Variants in ADAM22 observed in about 807,000 individuals in gnomAD.
ADAM22 encodes the protein ADAM metallopeptidase domain 22.
A neutral mutation model predicts 144.6 loss-of-function variants in ADAM22; 65 were observed. The ratio of observed to expected loss-of-function variants is 0.45; its 90% CI spans 0.37 to 0.55. The LOEUF is 0.55. Among genes scored for constraint, ADAM22 ranks in the 20% least tolerant of loss-of-function variants. The pLI is 0.00. For synonymous variants in ADAM22, 391 were observed against 412.6 expected, an observed-to-expected ratio of 0.95 and a Z score of 0.63; for missense variants, 974 against 1,184.9, an observed-to-expected ratio of 0.82 and a Z score of 2.61.
intron 2 of ADAM22, among the ~76,000 whole-genome samples, chr7:87,957,348 C>G (rs1456788497): frequency 6.6e-6 from 1 of 152,106 alleles, no homozygotes; most frequent in African/African-American, 2.4e-5. Flanking sequence ...ATATAAAAAG[C>G]TTAAGTTTTG....
chr7:88,009,126 T>C (rs2129459112), intron 3 of ADAM22, among the ~76,000 whole-genome samples: 1 of 152,218 alleles, frequency 6.6e-6, no homozygotes, highest in South Asian at 2.1e-4. Context: ...AGTCTAAGAT[T>C]TTATGGCATT....
intron 4 of ADAM22, among the ~76,000 whole-genome samples, chr7:88,077,524 G>A (rs550563424): frequency 7.9e-5 from 12 of 152,326 alleles, no homozygotes; most frequent in East Asian, 1.9e-4. Context: ...TGTACCGTGC[G>A]TGAGCCAAAG....
chr7:88,005,635 T>C (rs1324900151), intron 3 of ADAM22, among the ~76,000 whole-genome samples: 1 of 152,058 alleles, frequency 6.6e-6, no homozygotes, highest in Admixed American at 6.6e-5. Flanking sequence ...GATGAAGGGA[T>C]TGGGCAGAGA....
At chr7:88,061,839 CTTTTTTTTTTTTT>C (rs60313970) in intron 3 of ADAM22, among the ~76,000 whole-genome samples, 1 of 112,032 alleles carries the variant, frequency 8.9e-6, no homozygotes, top group African/African-American at 3.7e-5. Flanking sequence ...CTCTCTCTCT[CTTTTTTTTTTTTT>C]TTTTTTTTGA....
At chr7:88,150,425 A>G (rs1270546113) in intron 18 of ADAM22, among the ~76,000 whole-genome samples, 1 of 152,182 alleles carries the variant, frequency 6.6e-6, no homozygotes, top group Non-Finnish European at 1.5e-5. Context: ...TAATTGCTGC[A>G]AGGAAAAAAG....
chr7:88,042,838 A>G (rs1252850391), intron 3 of ADAM22, among the ~76,000 whole-genome samples: 1 of 151,398 alleles, frequency 6.6e-6, no homozygotes, highest in South Asian at 2.1e-4. Flanking sequence ...CCTAATCTCA[A>G]GGTGTCCTGA....
intron 3 of ADAM22, among the ~76,000 whole-genome samples, chr7:88,053,612 GA>G (rs1263513168): frequency 2.7e-5 from 3 of 110,176 alleles, no homozygotes; most frequent in Non-Finnish European, 6.3e-5. Flanking sequence ...AAGAAAGAAA[GA>G]AAGAAAGAAA....
chr7:88,131,397 T>G lies in ADAM22; in HGVS notation c.954T>G (p.Asp318Glu), dbSNP rs1831724218. ...GTGAGTTTATGAAATACAGGAGGGA[T>G]TTTATCAAAGAGAAAAGTGATGCAG... Reference protein sequence around the residue: ...TLREFMKYRRDFIKEKSDAVH... With the variant: ...TLREFMKYRREFIKEKSDAVH... Residue 318 changes from aspartate (D) to glutamate (E), a missense_variant, in exon 11 of 32, where the codon GAT (aspartate) becomes GAG (glutamate). This residue lies in a region of ADAM22 where 734 missense variants were observed against 950.6 expected (regional missense o/e 0.77). Coordinates refer to ENST00000413139, the MANE Select transcript of ADAM22 (RefSeq NM_001324418.2). The G allele has an allele frequency of 1.9e-6, 3 of 1,613,720 alleles. No homozygotes were observed. Among genetic ancestry groups the G allele is most frequent in the African/African-American group, 2.7e-5 (2 of 74,918 alleles).
chr7:87,948,519 C>T (rs1224595044), intron 2 of ADAM22, among the ~76,000 whole-genome samples: 1 of 152,174 alleles, frequency 6.6e-6, no homozygotes, highest in African/African-American at 2.4e-5. Context: ...CTAGTTCTCA[C>T]TGCTCATAAT....
chr7:87,973,383 A>G (rs1385058453), intron 2 of ADAM22, among the ~76,000 whole-genome samples: 2 of 138,838 alleles, frequency 1.4e-5, no homozygotes, highest in Non-Finnish European at 3.1e-5. Flanking sequence ...CAAAACCACA[A>G]TGAGATACCA....
intron 7 of ADAM22, 69 bp downstream of exon 7, chr7:88,116,883 T>TA: frequency 8.5e-7 from 1 of 1,171,482 alleles, no homozygotes; most frequent in Non-Finnish European, 1.2e-6. Context: ...GCCTTAGAAC[T>TA]AATCTATATT....
chr7:88,146,672 G>T (rs1019647568), intron 17 of ADAM22, among the ~76,000 whole-genome samples: 2 of 152,152 alleles, frequency 1.3e-5, no homozygotes, highest in Non-Finnish European at 2.9e-5. Context: ...CACACTTTTG[G>T]GATGGGCATT....
chr7:88,069,245 C>G (rs541267305), intron 3 of ADAM22, among the ~76,000 whole-genome samples: 3 of 152,034 alleles, frequency 2.0e-5, no homozygotes, highest in South Asian at 4.2e-4. Context: ...CTCTCCCTCT[C>G]TCCTTCTGCT....
rs1833445235 is a variant in ADAM22 at position 88,138,028 on chromosome 7, C to T, written c.1220+1997C>T. 4.6e-5 allele frequency among the ~76,000 whole-genome samples: 7 copies of T among 152,172 alleles called. No homozygotes were observed. The South Asian group carries it at 1.5e-3, about 32-fold the overall frequency. ...AATTAACCAGTCGTGGTGGCACACA[C>T]CTGTAGTCCCAGCTACTTGGGAGGC... On this transcript the variant is annotated intron_variant, in intron 14 of 31. Transcript: ENST00000413139.
chr7:87,962,872 G>T (rs1029821653), intron 2 of ADAM22, among the ~76,000 whole-genome samples: 1 of 152,170 alleles, frequency 6.6e-6, no homozygotes, highest in African/African-American at 2.4e-5. Context: ...GGATCATTCA[G>T]TTTAGGAAGG....
intron 3 of ADAM22, among the ~76,000 whole-genome samples, chr7:88,044,590 G>A (rs1465744547): frequency 6.7e-6 from 1 of 149,536 alleles, no homozygotes; most frequent in African/African-American, 2.5e-5. Context: ...GGGACTACAG[G>A]TGTGTGCCAC....
At chr7:87,979,847 G>T (rs1297654406) in intron 3 of ADAM22, among the ~76,000 whole-genome samples, 2 of 152,150 alleles carry the variant, frequency 1.3e-5, no homozygotes, top group African/African-American at 4.8e-5. Context: ...GCTGCATGTA[G>T]ATACTAGGTG....
chr7:87,981,658 C>G (rs1400682958), intron 3 of ADAM22, among the ~76,000 whole-genome samples: 1 of 152,106 alleles, frequency 6.6e-6, no homozygotes, highest in African/African-American at 2.4e-5. Context: ...AAAGCATTTC[C>G]AATTAGTTAC....
rs180795338 is a variant in ADAM22, at chr7:88,159,606, G to A, written c.1908-3406G>A. ...GGGTTCCAAGTTTGGTTCAACATAC[G>A]CAAATTAGTAAATGTGATTTTTCAC... On this transcript the variant is annotated intron_variant, in intron 22 of 31. Coordinates refer to ENST00000413139, the MANE Select transcript of ADAM22 (RefSeq NM_001324418.2). Among the ~76,000 whole-genome samples, 632 of 152,088 alleles carry A rather than the reference G, an allele frequency of 4.2e-3. 4 individuals carry two copies. The highest frequency in any genetic ancestry group is 6.0e-3 in the Admixed American group (91 of 15,270).
Sources: allele counts gnomAD v4.1 joint callset (sites outside exome capture counted in the v4.1 genomes callset), GRCh38; gene constraint gnomAD v4.1.1; regional missense constraint gnomAD v4.1.1; transcripts MANE v1.5; gene names NCBI Gene and HGNC (gene_info 2026-07-23, HGNC 2026-07-21).